The following CDC42BPB variants were observed in gnomAD, a reference collection of about 807,000 sequenced individuals.
CDC42BPB encodes the protein CDC42 binding protein kinase beta, also known as serine/threonine-protein kinase MRCK beta.
Under a neutral mutation model 214.9 loss-of-function variants are expected in CDC42BPB, and 37 were observed. The ratio of observed to expected loss-of-function variants is 0.17; its 90% CI spans 0.13 to 0.23. The LOEUF is 0.23. Ranked by LOEUF, CDC42BPB falls within the 10% of genes least tolerant of loss-of-function variation. The pLI is 1.00. For missense variants in CDC42BPB, 1,694 were observed against 2,227.0 expected (o/e 0.76, Z 4.82); for synonymous variants, 931 against 884.0 (o/e 1.05, Z -0.94).
At chr14:103,019,848 A>G (rs1886669741) in intron 1 of CDC42BPB, among the ~76,000 whole-genome samples, 1 of 152,230 alleles carries the variant, frequency 6.6e-6, no homozygotes, top group African/African-American at 2.4e-5. Context: ...ACCACCGACA[A>G]ATATGAGATC....
chr14:103,009,341 G>A (rs1286979369), intron 2 of CDC42BPB, among the ~76,000 whole-genome samples: 2 of 152,196 alleles, frequency 1.3e-5, no homozygotes, highest in Non-Finnish European at 2.9e-5. Context: ...TGCCAGAGAC[G>A]GTGTTGAGCC....
At chr14:102,973,775 G>C (rs1254472465) in intron 12 of CDC42BPB, among the ~76,000 whole-genome samples, 1 of 152,212 alleles carries the variant, frequency 6.6e-6, no homozygotes, top group Non-Finnish European at 1.5e-5. Flanking sequence ...TAACCGCTGG[G>C]GGCAAGGGGG....
Position 102,947,698 on chromosome 14 carries a change from A to G in CDC42BPB, c.3531+23T>C, listed in dbSNP as rs777433734. The G allele has an allele frequency of 2.5e-6, 4 of 1,585,718 alleles. No homozygotes were observed. In the South Asian group the frequency reaches 4.4e-5, roughly 18 times the overall value. On this transcript the variant is annotated intron_variant, in intron 27 of 36. Coordinates refer to ENST00000361246, the MANE Select transcript of CDC42BPB (RefSeq NM_006035.4). ...CAGTTTTAACCATGTGCTTTGTTAA[A>G]AAGATTAATGAAAAATTCATACCCT...
At chr14:102,996,290 A>C (rs929646388) in intron 5 of CDC42BPB, among the ~76,000 whole-genome samples, 3 of 152,106 alleles carry the variant, frequency 2.0e-5, no homozygotes, top group African/African-American at 7.2e-5. Context: ...CAGTGAGCTG[A>C]GATGATGCCA....
chr14:102,970,443 G>C, intron 13 of CDC42BPB, 182 bp from the exon 14 acceptor site: 1 of 897,034 alleles, frequency 1.1e-6, no homozygotes, highest in Non-Finnish European at 1.3e-6. Flanking sequence ...AACTGGGATG[G>C]TTGGTTACTA....
chr14:102,940,591 C>T, intron 30 of CDC42BPB: 2 of 888,144 alleles, frequency 2.3e-6, no homozygotes, highest in Non-Finnish European at 3.2e-6. Context: ...TTGAAGGTGA[C>T]TTTTAAAAAG....
intron 20 of CDC42BPB, among the ~76,000 whole-genome samples, chr14:102,961,162 GAATC>G (rs34666495): frequency 0.037 from 5,504 of 149,612 alleles, 206 homozygotes; most frequent in African/African-American, 0.097. Flanking sequence ...GCAAGACCCT[GAATC>G]AATCAATCAA....
chr14:102,949,938 C>T (rs1189806561), intron 25 of CDC42BPB, 34 bp from the exon 26 acceptor site: 2 of 1,609,382 alleles, frequency 1.2e-6, no homozygotes, highest in Non-Finnish European at 8.5e-7. Flanking sequence ...CCACGTTCCA[C>T]CAGGCCAGGC....
intron 28 of CDC42BPB, among the ~76,000 whole-genome samples, chr14:102,946,133 C>T (rs1460165276): frequency 6.6e-6 from 1 of 152,132 alleles, no homozygotes; most frequent in African/African-American, 2.4e-5. Context: ...CTCAGTCTCC[C>T]AAGTAGCTGG....
At chr14:102,988,823 A>C (rs73354649) in intron 5 of CDC42BPB, among the ~76,000 whole-genome samples, 1,826 of 151,656 alleles carry the variant, frequency 0.012, 36 homozygotes, top group African/African-American at 0.043. Context: ...ACCTATATGA[A>C]TGAAAAAGTA....
At chr14:102,957,649 T>C (rs1218292780) in intron 21 of CDC42BPB, among the ~76,000 whole-genome samples, 1 of 152,240 alleles carries the variant, frequency 6.6e-6, no homozygotes, top group African/African-American at 2.4e-5. Flanking sequence ...ACAAACATTT[T>C]GACAGGTGAA....
intron 36 of CDC42BPB, among the ~76,000 whole-genome samples, chr14:102,934,496 T>C (rs908786768): frequency 1.3e-5 from 2 of 151,742 alleles, no homozygotes; most frequent in Non-Finnish European, 2.9e-5. Context: ...ACTGCACCAC[T>C]GCACTCCAGC....
At chr14:102,987,564 A>G (rs979027434) in intron 5 of CDC42BPB, among the ~76,000 whole-genome samples, 5 of 152,134 alleles carry the variant, frequency 3.3e-5, no homozygotes, top group Non-Finnish European at 7.4e-5. Context: ...ACCCCAATGA[A>G]AACAGACGGG....
At chr14:102,941,667 G>T in intron 30 of CDC42BPB, 1 of 486,392 alleles carries the variant, frequency 2.1e-6, no homozygotes, top group Non-Finnish European at 2.7e-6. Context: ...CAGATGCCCA[G>T]TGAAAAGATT....
intron 21 of CDC42BPB, among the ~76,000 whole-genome samples, chr14:102,956,847 G>A (rs776819374): frequency 6.6e-6 from 1 of 150,698 alleles, no homozygotes; most frequent in Admixed American, 6.6e-5. Context: ...GGTTAAGATG[G>A]TAAGTTTTAT....
intron 21 of CDC42BPB, among the ~76,000 whole-genome samples, chr14:102,958,143 A>G (rs1044283028): frequency 9.9e-5 from 15 of 152,242 alleles, no homozygotes; most frequent in African/African-American, 3.6e-4. Flanking sequence ...AGCCAGCAGG[A>G]AAGGGCATTC....
chr14:102,952,088 C>T (rs1028311652), intron 24 of CDC42BPB, among the ~76,000 whole-genome samples: 12 of 152,270 alleles, frequency 7.9e-5, no homozygotes, highest in African/African-American at 2.9e-4. Flanking sequence ...TGGCTCATGC[C>T]TGTAATTCCA....
At chr14:102,940,383 C>T (rs766233535) in intron 30 of CDC42BPB, 59 bp from the exon 31 acceptor site, 14 of 1,547,482 alleles carry the variant, frequency 9.0e-6, no homozygotes, top group Middle Eastern at 1.8e-4. Flanking sequence ...CACCTGCCCT[C>T]GGGCCGGAGG....
chr14:102,999,865 T>A (rs1040153988), intron 4 of CDC42BPB, 152 bp from the exon 5 acceptor site: 2 of 1,457,482 alleles, frequency 1.4e-6, no homozygotes, highest in African/African-American at 2.9e-5. Flanking sequence ...ACCCTCCTTC[T>A]GGAACATGCG....
Sources: gnomAD v4.1 joint callset for allele counts (sites outside exome capture counted in the v4.1 genomes callset) on GRCh38, gnomAD v4.1.1 for gene constraint, MANE v1.5 for transcripts, NCBI Gene and HGNC (gene_info 2026-07-23, HGNC 2026-07-21) for gene names.